The following CDK11B variants were observed in gnomAD, a reference collection of about 807,000 sequenced individuals.
CDK11B encodes the protein cyclin dependent kinase 11B, also known as cyclin-dependent kinase 11B.
Under a neutral mutation model 84.0 loss-of-function variants are expected in CDK11B, and 37 were observed. The ratio of observed to expected loss-of-function variants is 0.44; its 90% CI spans 0.34 to 0.58. The LOEUF (loss-of-function observed/expected upper bound fraction) is 0.58, where lower values mean the gene tolerates loss of function less well. CDK11B is among the 20% of genes least tolerant of loss of function. The pLI, the probability that CDK11B is intolerant of heterozygous loss-of-function variation, is 0.02. For synonymous variants in CDK11B, 269 were observed against 309.8 expected (o/e 0.87, Z 1.38); for missense variants, 427 against 834.0 (o/e 0.51, Z 6.01).
chr1:1,636,261 C>G lies in CDK11B; in HGVS notation c.2066+72G>C, dbSNP rs2100646352. ...GCAGTTCTGGAACGTGGTGAGCCAGCAGGTAGGCCTGGGACTGGGAAGTCA... is the reference window on the plus strand; with the variant it reads ...GCAGTTCTGGAACGTGGTGAGCCAGGAGGTAGGCCTGGGACTGGGAAGTCA... On this transcript the variant is annotated intron_variant, in intron 18 of 19. Transcript: ENST00000341832. 14 of 1,425,558 alleles carry G rather than the reference C, an allele frequency of 9.8e-6. No individual in the cohort carries two copies. The South Asian group carries it at 1.6e-4, about 17-fold the overall frequency. 88.3% of individuals were successfully genotyped at this position (1,425,558 alleles called of 1,614,324 possible).
At chr1:1,649,409 A>C in intron 5 of CDK11B, 90 bp downstream of exon 5, 52 of 961,212 alleles carry the variant, frequency 5.4e-5, no homozygotes, top group Non-Finnish European at 7.7e-5. Context: ...CTCAGATGTG[A>C]CTTCTATTGC....
At chr1:1,651,167 G>A (rs1331039737) in intron 4 of CDK11B, among the ~76,000 whole-genome samples, 1 of 152,182 alleles carries the variant, frequency 6.6e-6, no homozygotes, top group Non-Finnish European at 1.5e-5. Context: ...AACTGCTCAA[G>A]CCAAACCCAT....
At chr1:1,650,959 ATAAT>A (rs1299821633) in intron 4 of CDK11B, among the ~76,000 whole-genome samples, 2 of 152,228 alleles carry the variant, frequency 1.3e-5, no homozygotes, top group Non-Finnish European at 2.9e-5. Flanking sequence ...TGAATAAACT[ATAAT>A]TATCAGTTTT....
chr1:1,647,202 C>T (rs1323912022), intron 5 of CDK11B, among the ~76,000 whole-genome samples: 1 of 152,232 alleles, frequency 6.6e-6, no homozygotes, highest in Non-Finnish European at 1.5e-5. Context: ...GCTCCATCCA[C>T]AAGTTGTTTC....
At chr1:1,639,697 C>G (rs566931268) in intron 11 of CDK11B, among the ~76,000 whole-genome samples, 1 of 152,086 alleles carries the variant, frequency 6.6e-6, no homozygotes, top group East Asian at 1.9e-4. Context: ...CAGAGAGAAC[C>G]TCTCCGCCCA....
At chr1:1,654,765 T>C (rs1226127026) in intron 3 of CDK11B, among the ~76,000 whole-genome samples, 31 of 151,878 alleles carry the variant, frequency 2.0e-4, no homozygotes, top group Non-Finnish European at 3.1e-4. Flanking sequence ...TTCACGCCAT[T>C]CTCTTGCCTC....
In CDK11B at chr1:1,636,393, T is replaced by C; in HGVS notation, c.2006A>G (p.Asn669Ser). Reference sequence around the variant, plus strand: ...AGCCCCGAAGCGCTTGCGGAGGTTGTTGTAGGGGTGCTCGCTGAAGGTCAT... The same window carrying C: ...AGCCCCGAAGCGCTTGCGGAGGTTGCTGTAGGGGTGCTCGCTGAAGGTCAT... ...KKMTFSEHPY[N>S]NLRKRFGALL... The change falls in exon 18 of 20, where the codon AAC becomes AGC. Residue 669 changes from asparagine (N) to serine (S), a missense_variant. This residue lies in a region of CDK11B where 170 missense variants were observed against 196.0 expected (regional missense o/e 0.87). Transcript: ENST00000341832. The C allele has an allele frequency of 6.2e-7, 1 of 1,609,720 alleles. No individual in the cohort carries two copies. The highest frequency in any genetic ancestry group is 8.5e-7 in the Non-Finnish European group (1 of 1,177,756).
chr1:1,640,479 G>C (rs1232290539), intron 10 of CDK11B, 27 bp from the exon 11 acceptor site: 2 of 1,613,752 alleles, frequency 1.2e-6, no homozygotes. Context: ...TAATTACGAA[G>C]CTAGGAGTAA....
At chr1:1,650,527 G>A (rs1362911606) in intron 4 of CDK11B, among the ~76,000 whole-genome samples, 20 of 150,902 alleles carry the variant, frequency 1.3e-4, no homozygotes, top group African/African-American at 2.2e-4. Context: ...CACCACGCCC[G>A]GCTAATTTTT....
At chr1:1,638,708 T>G (rs2100705266) in intron 11 of CDK11B, 118 bp from the exon 12 acceptor site, 1 of 1,094,818 alleles carries the variant, frequency 9.1e-7, no homozygotes, top group East Asian at 2.5e-5. Flanking sequence ...GCCTTGGGAC[T>G]GGGCCGGGGG....
intron 4 of CDK11B, among the ~76,000 whole-genome samples, chr1:1,651,848 G>C (rs1390656863): frequency 1.3e-5 from 2 of 151,242 alleles, no homozygotes; most frequent in Non-Finnish European, 2.9e-5. Flanking sequence ...CTTTTAGCTA[G>C]AGTTTGCTCT....
In CDK11B at chr1:1,649,492, G is replaced by C. The variant is rs1312738463; in HGVS notation, c.494+7C>G. On this transcript the variant is annotated splice_region_variant and intron_variant, in intron 5 of 19. Transcript: ENST00000341832. ...TATAAAGTCCTCAACTGACCCAGCC[G>C]ACTCACCTTTCTCTCCTGGAATGCT... The C allele has an allele frequency of 1.4e-5, 22 of 1,564,542 alleles. No individual in the cohort carries two copies. The highest frequency in any genetic ancestry group is 3.3e-4 in the Middle Eastern group (2 of 5,980).
At chr1:1,654,374 G>C (rs1017571385) in intron 3 of CDK11B, among the ~76,000 whole-genome samples, 1 of 152,110 alleles carries the variant, frequency 6.6e-6, no homozygotes, top group African/African-American at 2.4e-5. Context: ...TAGAAGCTAG[G>C]CCCTGAAAAC....
intron 4 of CDK11B, among the ~76,000 whole-genome samples, chr1:1,650,268 C>CAAA (rs1212256890): frequency 4.4e-5 from 2 of 45,788 alleles, no homozygotes; most frequent in South Asian, 8.0e-4. Context: ...GACTCCGTCC[C>CAAA]AAAAAAAAAA....
chr1:1,639,915 G>A (rs1389462160), intron 11 of CDK11B, among the ~76,000 whole-genome samples: 4 of 151,610 alleles, frequency 2.6e-5, no homozygotes, highest in African/African-American at 9.7e-5. Flanking sequence ...CGGTAACAAG[G>A]CCTTGGTGCC....
Position 1,649,595 on chromosome 1 carries a change from C to T in CDK11B, c.398G>A (p.Arg133His), listed in dbSNP as rs1298828898. The change falls in exon 5 of 20, where the codon CGT becomes CAT. Residue 133 changes from arginine to histidine, a missense_variant. Arg to His is a conservative substitution (Grantham distance 29). Around this residue, in one of 12 missense-constraint regions of CDK11B, gnomAD observed 71 missense variants for 66.2 expected, o/e 1.07. Coordinates refer to ENST00000341832, the MANE Select transcript of CDK11B (RefSeq NM_033486.3). ...CTGTTCTTCTCGATGCCGTTTCCGA[C>T]GTTCGTGCTCTCTTTCTTTTTCTTT... ...RVKEKEREHE[R>H]RKRHREEQDK... The T allele has an allele frequency of 2.5e-5, 41 of 1,608,438 alleles. No homozygotes were observed. The highest frequency in any genetic ancestry group is 3.1e-5 in the Non-Finnish European group (36 of 1,175,154).
chr1:1,657,289 G>A (rs770079413), intron 2 of CDK11B, 86 bp downstream of exon 2: 11 of 1,613,274 alleles, frequency 6.8e-6, no homozygotes, highest in African/African-American at 5.3e-5. Flanking sequence ...GAACTTCACC[G>A]AAGAAGCGTT....
chr1:1,643,897 GGA>G (rs1640622126), intron 6 of CDK11B, among the ~76,000 whole-genome samples: 2 of 143,064 alleles, frequency 1.4e-5, no homozygotes, highest in South Asian at 2.4e-4. Context: ...CCAGGAGGGA[GGA>G]GAGGAGCAGA....
At chr1:1,639,788 C>A (rs1271465719) in intron 11 of CDK11B, among the ~76,000 whole-genome samples, 1 of 152,216 alleles carries the variant, frequency 6.6e-6, no homozygotes, top group South Asian at 2.1e-4. Flanking sequence ...CTTGTCCCTT[C>A]CAAATCGCTC....
Sources: gnomAD v4.1 joint callset for allele counts (sites outside exome capture counted in the v4.1 genomes callset) on GRCh38, gnomAD v4.1.1 for gene constraint, gnomAD v4.1.1 regional missense constraint, MANE v1.5 for transcripts, NCBI Gene and HGNC (gene_info 2026-07-23, HGNC 2026-07-21) for gene names.